Variants in SLC66A2 observed in about 807,000 individuals in gnomAD.
SLC66A2 encodes the protein PQ loop repeat containing 1.
A neutral mutation model predicts 25.5 loss-of-function variants in SLC66A2; 23 were observed. The observed-to-expected ratio is 0.90, with a 90% CI of 0.65 to 1.28. The LOEUF (loss-of-function observed/expected upper bound fraction) is 1.28. SLC66A2 is among the 50% of genes most tolerant of loss of function. The pLI is 0.00. For synonymous variants in SLC66A2, 193 were observed against 166.5 expected, an observed-to-expected ratio of 1.16 and a Z score of -1.23; for missense variants, 396 against 373.1, an observed-to-expected ratio of 1.06 and a Z score of -0.51.
chr18:79,938,450 C>T (rs561475630), intron 3 of SLC66A2, among the ~76,000 whole-genome samples: 1 of 152,292 alleles, frequency 6.6e-6, no homozygotes, highest in African/African-American at 2.4e-5. Context: ...CCCTGTGGGA[C>T]ATCTCCCTCC....
rs1984403679 is a variant in SLC66A2, at chr18:79,917,834, C to T, written c.608+1350G>A. Among the ~76,000 whole-genome samples, 2 of 151,900 alleles carry T rather than the reference C, an allele frequency of 1.3e-5. No homozygotes were observed. Among genetic ancestry groups the T allele is most frequent in the Non-Finnish European group, 2.9e-5 (2 of 67,958 alleles). On this transcript the variant is annotated intron_variant, in intron 5 of 5. Transcript: ENST00000397778. This position sits in a 1 kb window ranked among gnomAD's most constrained non-coding sequence, Gnocchi z 6.0. ...GGCAGCCCAATCCCCACCTGCACCC[C>T]ACACCACACCCCAACCTGTACCTAC... is the stretch of plus-strand genomic sequence containing the variant.
chr18:79,918,906 C>G lies in SLC66A2; in HGVS notation c.608+278G>C, dbSNP rs1019852671. 6.6e-6 allele frequency among the ~76,000 whole-genome samples: 1 copy of G among 152,218 alleles called. No homozygotes were observed. The highest frequency in any genetic ancestry group is 1.5e-5 in the Non-Finnish European group (1 of 68,036). The stretch of plus-strand genomic sequence containing the variant: ...CCGTCTGGCCAGGCACTCGGACATC[C>G]CTCCCACTGGAAGGTTCCGTCTCAA... On this transcript the variant is annotated intron_variant, in intron 5 of 5. Coordinates refer to ENST00000397778, the MANE Select transcript of SLC66A2 (RefSeq NM_025078.5). The surrounding 1 kb of genome is among the most constrained non-coding windows in gnomAD (Gnocchi z 4.0).
At chr18:79,947,800 C>A (rs1310162088) in intron 2 of SLC66A2, among the ~76,000 whole-genome samples, 1 of 151,194 alleles carries the variant, frequency 6.6e-6, no homozygotes, top group Non-Finnish European at 1.5e-5. Flanking sequence ...TGTGAACCTA[C>A]AAAGCCTGGA....
intron 4 of SLC66A2, among the ~76,000 whole-genome samples, 179 bp from the exon 5 acceptor site, chr18:79,919,579 A>G (rs12605460): frequency 0.023 from 145 of 6,322 alleles, 2 homozygotes; most frequent in Admixed American, 0.039. Context: ...AAGGTCAGTG[A>G]GGAGAGACGG....
At chr18:79,936,776 G>A (rs1332122555) in intron 3 of SLC66A2, among the ~76,000 whole-genome samples, 1 of 152,204 alleles carries the variant, frequency 6.6e-6, no homozygotes, top group African/African-American at 2.4e-5. Context: ...TTGTTTCCTG[G>A]TGACGTATCA....
At chr18:79,946,925 A>G (rs1451345071) in intron 2 of SLC66A2, among the ~76,000 whole-genome samples, 2 of 152,174 alleles carry the variant, frequency 1.3e-5, no homozygotes, top group African/African-American at 2.4e-5. Flanking sequence ...AGATTGTGCC[A>G]CTACACTCCA....
At position 79,918,156 on chromosome 18, in the gene SLC66A2, G is replaced by A. The variant is rs1387824417; in HGVS notation, c.608+1028C>T. On this transcript the variant is annotated intron_variant, in intron 5 of 5. Transcript: ENST00000397778. This position sits in a 1 kb window ranked among gnomAD's most constrained non-coding sequence, Gnocchi z 4.0. The stretch of plus-strand genomic sequence containing the variant: ...CCGGCCCTCACACCTCTGCCCACAC[G>A]CCAAACCTGCAAATACTCAGAGGTC... Among the ~76,000 whole-genome samples, 2 of 152,094 alleles carry A rather than the reference G, an allele frequency of 1.3e-5. No homozygotes were observed. The highest frequency in any genetic ancestry group is 2.1e-4 in the South Asian group (1 of 4,804).
At chr18:79,942,379 T>TACAGA (rs1443778244) in intron 3 of SLC66A2, among the ~76,000 whole-genome samples, 1 of 152,070 alleles carries the variant, frequency 6.6e-6, no homozygotes, top group Non-Finnish European at 1.5e-5. Flanking sequence ...CTACAGAGGC[T>TACAGA]GAAAGCAGCA....
At chr18:79,911,455 G>A (rs979526240) in intron 5 of SLC66A2, among the ~76,000 whole-genome samples, 2 of 152,262 alleles carry the variant, frequency 1.3e-5, no homozygotes, top group East Asian at 1.9e-4. Flanking sequence ...CCGGCAGGAC[G>A]TGCAGCTGAA....
chr18:79,905,148 G>C (rs1981905356), intron 5 of SLC66A2, among the ~76,000 whole-genome samples: 1 of 152,244 alleles, frequency 6.6e-6, no homozygotes, highest in Non-Finnish European at 1.5e-5. Context: ...CGGCTCTAGA[G>C]CATCTTGTTG....
intron 5 of SLC66A2, among the ~76,000 whole-genome samples, chr18:79,905,555 C>CT (rs1981996199): frequency 6.6e-6 from 1 of 152,284 alleles, no homozygotes; most frequent in African/African-American, 2.4e-5. Flanking sequence ...AGGCGCCTGC[C>CT]TTTCCTGCGC....
intron 5 of SLC66A2, 107 bp downstream of exon 5, chr18:79,919,077 C>T (rs750078700): frequency 8.9e-6 from 9 of 1,013,920 alleles, no homozygotes; most frequent in South Asian, 7.4e-5. Flanking sequence ...CACAGGTCAA[C>T]GTGGGAAATA....
rs867774892 is a variant in SLC66A2 at position 79,904,781 on chromosome 18, G to A, written c.609-598C>T. On this transcript the variant is annotated intron_variant, in intron 5 of 5. Transcript: ENST00000397778. The surrounding 1 kb of genome is among the most constrained non-coding windows in gnomAD (Gnocchi z 6.3). The stretch of plus-strand genomic sequence containing the variant: ...CCACCCACCATCCCAGTCCGAACAC[G>A]CTTCCCCCACCGCTGTGTTCATGCC... Among the ~76,000 whole-genome samples, 3 of 152,308 alleles carry A rather than the reference G, an allele frequency of 2.0e-5. No individual in the cohort carries two copies. Among genetic ancestry groups the A allele is most frequent in the South Asian group, 4.1e-4 (2 of 4,826 alleles).
chr18:79,906,469 A>T (rs2030753939), intron 5 of SLC66A2, among the ~76,000 whole-genome samples: 2 of 152,210 alleles, frequency 1.3e-5, no homozygotes, highest in Non-Finnish European at 2.9e-5. Flanking sequence ...TTGCTTTGCA[A>T]TATCCTCTTT....
At chr18:79,907,400 G>A (rs1164161837) in intron 5 of SLC66A2, among the ~76,000 whole-genome samples, 21 of 141,508 alleles carry the variant, frequency 1.5e-4, no homozygotes, top group Admixed American at 4.4e-4. Context: ...CACCCAGGCT[G>A]GAGTGCAGTG....
intron 5 of SLC66A2, among the ~76,000 whole-genome samples, chr18:79,913,478 A>T (rs1319433119): frequency 1.3e-5 from 2 of 152,248 alleles, no homozygotes; most frequent in African/African-American, 4.8e-5. Context: ...GCTTTATCAC[A>T]TCTCATTACT....
chr18:79,934,094 A>C (rs1002663787), intron 3 of SLC66A2, 72 bp from the exon 4 acceptor site: 3 of 1,196,280 alleles, frequency 2.5e-6, no homozygotes, highest in African/African-American at 1.5e-5. Flanking sequence ...AACATGGGTA[A>C]ACAGCTGTGT....
rs1444660368 is a variant in SLC66A2 at position 79,917,467 on chromosome 18, A to G, written c.608+1717T>C. Reference sequence around the variant, plus strand: ...ATGCTCTGGAGGGCACAGGCCTGGCACCCAGGCACCTCCCACAGATCTCCA... The same window carrying G: ...ATGCTCTGGAGGGCACAGGCCTGGCGCCCAGGCACCTCCCACAGATCTCCA... On this transcript the variant is annotated intron_variant, in intron 5 of 5. Transcript: ENST00000397778. The surrounding 1 kb of genome is among the most constrained non-coding windows in gnomAD (Gnocchi z 6.0). Among the ~76,000 whole-genome samples the G allele has an allele frequency of 1.3e-5, 2 of 152,096 alleles. No individual in the cohort carries two copies. Among genetic ancestry groups the G allele is most frequent in the Non-Finnish European group, 2.9e-5 (2 of 67,994 alleles).
chr18:79,932,634 T>C (rs1345121848), intron 4 of SLC66A2, among the ~76,000 whole-genome samples: 1 of 152,034 alleles, frequency 6.6e-6, no homozygotes, highest in Non-Finnish European at 1.5e-5. Context: ...AGAGGAACCA[T>C]TACTAATGAC....
Sources: gnomAD v4.1 joint callset for allele counts (sites outside exome capture counted in the v4.1 genomes callset) on GRCh38, gnomAD v4.1.1 for gene constraint, Gnocchi (gnomAD v3.1) non-coding constraint, MANE v1.5 for transcripts, NCBI Gene and HGNC (gene_info 2026-07-23, HGNC 2026-07-21) for gene names.